The following CSMD1 variants were observed in gnomAD, a reference collection of about 807,000 sequenced individuals.
The protein encoded by CSMD1 is CUB and Sushi multiple domains 1.
CSMD1 carries 213 observed loss-of-function variants against 417.5 expected under a neutral mutation model. The ratio of observed to expected loss-of-function variants is 0.51; its 90% confidence interval spans 0.46 to 0.57. The LOEUF (loss-of-function observed/expected upper bound fraction) is 0.57. Ranked by LOEUF, CSMD1 falls within the 20% of genes least tolerant of loss-of-function variation. The pLI is 0.00. For synonymous variants in CSMD1, 2,862 were observed against 1,736.8 expected (o/e 1.65, Z -16.11); for missense variants, 6,923 against 4,529.7 (o/e 1.53, Z -15.17).
rs538351942 is a variant in CSMD1, at chr8:4,360,433, T to A, written c.415+59520A>T. Among the ~76,000 whole-genome samples the A allele has an allele frequency of 2.6e-5, 4 of 152,300 alleles. No individual in the cohort carries two copies. In the East Asian group the frequency reaches 5.8e-4, roughly 22 times the overall value. On this transcript the variant is annotated intron_variant, in intron 3 of 69. Transcript: ENST00000635120. ...GTATTTGTGGAATTAATTAACTGTG[T>A]TTTAAGTCATAGAAGAGCCCGTTAT...
chr8:3,610,925 C>A, intron 8 of CSMD1, among the ~76,000 whole-genome samples: 1 of 151,730 alleles, frequency 6.6e-6, no homozygotes, highest in Non-Finnish European at 1.5e-5. Flanking sequence ...AAACTGATGG[C>A]GATTTCGCAC....
At chr8:4,241,000 C>T (rs967860558) in intron 3 of CSMD1, among the ~76,000 whole-genome samples, 2 of 152,156 alleles carry the variant, frequency 1.3e-5, no homozygotes, top group Non-Finnish European at 2.9e-5. Context: ...GCCAACGTCT[C>T]AGTGAAAACC....
chr8:4,046,477 G>A (rs969771251), intron 3 of CSMD1, among the ~76,000 whole-genome samples: 1 of 152,152 alleles, frequency 6.6e-6, no homozygotes, highest in South Asian at 2.1e-4. Context: ...CATGAAAAGA[G>A]TCTTTCGGAA....
At chr8:3,513,857 T>C (rs1292975695) in intron 10 of CSMD1, among the ~76,000 whole-genome samples, 2 of 152,170 alleles carry the variant, frequency 1.3e-5, no homozygotes, top group Non-Finnish European at 2.9e-5. Context: ...GAGAAGATCC[T>C]GGAGTATGAA....
At chr8:4,866,754 T>G (rs1291832909) in intron 1 of CSMD1, among the ~76,000 whole-genome samples, 1 of 152,042 alleles carries the variant, frequency 6.6e-6, no homozygotes, top group African/African-American at 2.4e-5. Flanking sequence ...AACTCATTTT[T>G]TAAAATTATT....
intron 5 of CSMD1, among the ~76,000 whole-genome samples, chr8:3,813,942 T>G (rs1801228382): frequency 6.6e-6 from 1 of 152,216 alleles, no homozygotes; most frequent in Non-Finnish European, 1.5e-5. Context: ...TGGAGTCTTT[T>G]CTGAGAAATG....
chr8:4,617,760 C>G (rs2616969), intron 2 of CSMD1, among the ~76,000 whole-genome samples: 84,943 of 151,800 alleles, frequency 0.56, 24,610 homozygotes, highest in African/African-American at 0.73. Flanking sequence ...TTTGGCATTC[C>G]TCATTATTAG....
intron 8 of CSMD1, among the ~76,000 whole-genome samples, chr8:3,608,696 G>A (rs546600454): frequency 8.6e-5 from 13 of 151,430 alleles, no homozygotes; most frequent in African/African-American, 2.9e-4. Context: ...CTTGAGAGGT[G>A]GAGGCTGCAG....
At chr8:4,350,095 C>A (rs547994541) in intron 3 of CSMD1, among the ~76,000 whole-genome samples, 2 of 152,250 alleles carry the variant, frequency 1.3e-5, no homozygotes, top group East Asian at 3.9e-4. Context: ...GACTTATGAG[C>A]CACCACTGGC....
At chr8:4,364,268 G>A (rs991868859) in intron 3 of CSMD1, among the ~76,000 whole-genome samples, 2 of 152,066 alleles carry the variant, frequency 1.3e-5, no homozygotes, top group African/African-American at 4.8e-5. Context: ...GGGCAGAAAG[G>A]ATTACAACTT....
chr8:4,360,131 C>G (rs4875096), intron 3 of CSMD1, among the ~76,000 whole-genome samples: 119,613 of 152,044 alleles, frequency 0.79, 47,405 homozygotes, highest in African/African-American at 0.89. Context: ...GCAGGTTTGG[C>G]TGTGAGGATG....
At chr8:4,324,736 G>A (rs1029373070) in intron 3 of CSMD1, among the ~76,000 whole-genome samples, 7 of 152,148 alleles carry the variant, frequency 4.6e-5, no homozygotes, top group African/African-American at 1.7e-4. Context: ...TATGGATGAA[G>A]GGTTTCAGTT....
intron 3 of CSMD1, among the ~76,000 whole-genome samples, chr8:4,393,805 C>T (rs958018642): frequency 6.6e-6 from 1 of 152,168 alleles, no homozygotes; most frequent in African/African-American, 2.4e-5. Context: ...TCTTTATATG[C>T]CATATTTTCC....
chr8:4,164,351 A>G (rs1395205527), intron 3 of CSMD1, among the ~76,000 whole-genome samples: 1 of 152,198 alleles, frequency 6.6e-6, no homozygotes, highest in Admixed American at 6.5e-5. Flanking sequence ...TCATAAAACA[A>G]CAGTCACACA....
chr8:3,680,581 G>T (rs1178600240), intron 7 of CSMD1, among the ~76,000 whole-genome samples: 1 of 152,132 alleles, frequency 6.6e-6, no homozygotes, highest in Non-Finnish European at 1.5e-5. Context: ...GGACCAGATG[G>T]ATTCACAGCC....
At chr8:4,964,065 A>G (rs1043024209) in intron 1 of CSMD1, among the ~76,000 whole-genome samples, 1 of 152,122 alleles carries the variant, frequency 6.6e-6, no homozygotes, top group Non-Finnish European at 1.5e-5. Context: ...CTGGCAAGAC[A>G]TATCTGGCTT....
At position 3,742,603 on chromosome 8, in the gene CSMD1, C is replaced by G. The variant is rs925228211; in HGVS notation, c.931+11327G>C. Among the ~76,000 whole-genome samples, 8 of 152,110 alleles carry G rather than the reference C, an allele frequency of 5.3e-5. No individual in the cohort carries two copies. The South Asian group carries it at 1.2e-3, about 24-fold the overall frequency. The stretch of plus-strand genomic sequence containing the variant: ...TGCCCCGGGCCAGTAGTGCTTCACC[C>G]TAGGACGTGCCCAGGTCCACTTTTC... On this transcript the variant is annotated intron_variant, in intron 6 of 69. Coordinates refer to ENST00000635120, the MANE Select transcript of CSMD1 (RefSeq NM_033225.6).
At position 3,523,896 on chromosome 8, in the gene CSMD1, T is replaced by A. The variant is rs562997652; in HGVS notation, c.1345-30170A>T. The stretch of plus-strand genomic sequence containing the variant: ...ACATGCACACACATGCACAGAGACA[T>A]ATGCACACATGTACACGCACACACA... On this transcript the variant is annotated intron_variant, in intron 10 of 69. Transcript: ENST00000635120. Among the ~76,000 whole-genome samples the A allele has an allele frequency of 7.3e-4, 97 of 133,562 alleles. 2 individuals carry two copies. In the East Asian group the frequency reaches 0.021, roughly 29 times the overall value. 87.6% of individuals were successfully genotyped at this position (133,562 alleles called of 152,430 possible).
chr8:4,392,153 C>T (rs1816309), intron 3 of CSMD1, among the ~76,000 whole-genome samples: 75,677 of 152,026 alleles, frequency 0.5, 20,379 homozygotes, highest in African/African-American at 0.69. Flanking sequence ...ACCACTGAAA[C>T]TGTCATGGGC....
Sources: gnomAD v4.1 joint callset for allele counts (sites outside exome capture counted in the v4.1 genomes callset) on GRCh38, gnomAD v4.1.1 for gene constraint, MANE v1.5 for transcripts, NCBI Gene and HGNC (gene_info 2026-07-23, HGNC 2026-07-21) for gene names.